The following SEPTIN8 variants were observed in gnomAD, a reference collection of about 807,000 sequenced individuals.
The protein encoded by SEPTIN8 is septin-8.
A neutral mutation model predicts 53.1 loss-of-function variants in SEPTIN8; 22 were observed. The observed-to-expected ratio is 0.41, with a 90% CI of 0.30 to 0.59. The LOEUF (loss-of-function observed/expected upper bound fraction) is 0.59. SEPTIN8 is among the 20% of genes least tolerant of loss of function. The pLI is 0.24. For synonymous variants in SEPTIN8, 228 were observed against 248.4 expected (o/e 0.92, Z 0.77); for missense variants, 536 against 638.7 (o/e 0.84, Z 1.73).
rs1014064452 is a variant in SEPTIN8, at chr5:132,758,298, G to A, written c.1286+2504C>T. On this transcript the variant is annotated intron_variant, in intron 9 of 9. Coordinates refer to ENST00000378719, the MANE Select transcript of SEPTIN8 (RefSeq NM_001098811.2). Reference sequence around the variant, plus strand: ...AGAGGATATTATTTGTCTTGACGCTGGTGCCAAAATAAATATTTAGAAGTG... The same window carrying A: ...AGAGGATATTATTTGTCTTGACGCTAGTGCCAAAATAAATATTTAGAAGTG... The A allele has an allele frequency of 1.0e-5, 14 of 1,349,166 alleles. No homozygotes were observed. The East Asian group carries it at 1.3e-4, about 13-fold the overall frequency. 83.6% of individuals were successfully genotyped at this position (1,349,166 alleles called of 1,614,324 possible).
At chr5:132,771,840 A>C (rs1418051808) in intron 1 of SEPTIN8, among the ~76,000 whole-genome samples, 1 of 131,750 alleles carries the variant, frequency 7.6e-6, no homozygotes, top group Admixed American at 8.2e-5. Context: ...CTCTAAGCCC[A>C]GGTCAGAGGT....
Position 132,762,623 on chromosome 5 carries a change from G to A in SEPTIN8, c.557C>T (p.Ala186Val). 6.2e-7 allele frequency: 1 copy of A among 1,614,232 alleles called. No individual in the cohort carries two copies. Among genetic ancestry groups the A allele is most frequent in the Non-Finnish European group, 8.5e-7 (1 of 1,180,048 alleles). Residue 186 changes from alanine to valine, a missense_variant, in exon 5 of 10, where the codon GCC (alanine) becomes GTC (valine). Physicochemically the swap from Ala to Val is moderately conservative, Grantham distance 64 (BLOSUM62 0). Transcript: ENST00000378719. The stretch of plus-strand genomic sequence containing the variant: ...GCTCTTGGAGATGGTGTCAGCCTTG[G>A]CGATGATGGGAATAATGTTCACCTG... ...DSKVNIIPII[A>V]KADTISKSEL...
intron 9 of SEPTIN8, 31 bp from the exon 10 acceptor site, chr5:132,752,212 G>A: frequency 6.4e-7 from 1 of 1,552,942 alleles, no homozygotes; most frequent in Non-Finnish European, 8.7e-7. Context: ...CATCAACTTT[G>A]CCCCAGACCA....
chr5:132,763,854 T>C lies in SEPTIN8; in HGVS notation c.386A>G (p.Glu129Gly), dbSNP rs1357415474. 5 of 1,602,764 alleles carry C rather than the reference T, an allele frequency of 3.1e-6. No homozygotes were observed. Among genetic ancestry groups the C allele is most frequent in the African/African-American group, 1.3e-5 (1 of 74,656 alleles). Residue 129 changes from glutamate (E) to glycine (G), a missense_variant, in exon 4 of 10, where the codon GAA becomes GGA. Physicochemically the swap from Glu to Gly is moderately conservative, Grantham distance 98 (BLOSUM62 -2). Coordinates refer to ENST00000378719, the MANE Select transcript of SEPTIN8 (RefSeq NM_001098811.2). ...PIVDYIDAQF[E>G]NYLQEELKIR... ...CTTCAGCTCCTCCTGCAGATAATTTTCAAACTGCGCATCGATGTAGTCAAC... is the reference window on the plus strand; with the variant it reads ...CTTCAGCTCCTCCTGCAGATAATTTCCAAACTGCGCATCGATGTAGTCAAC...
chr5:132,761,626 A>G lies in SEPTIN8; in HGVS notation c.794T>C (p.Val265Ala), dbSNP rs1302027965. ...GAAGTCGCAGTGATTCTCATTCTCCACTGAAAGCAGAGGGCCGGTGGGGTA... is the reference window on the plus strand; with the variant it reads ...GAAGTCGCAGTGATTCTCATTCTCCGCTGAAAGCAGAGGGCCGGTGGGGTA... ...ARQYPWGVVQ[V>A]ENENHCDFVK... Residue 265 changes from valine (V) to alanine (A), a missense_variant and splice_region_variant, in exon 7 of 10, where the codon GTG becomes GCG. Around this residue, in one of 3 missense-constraint regions of SEPTIN8, gnomAD observed 395 missense variants for 451.8 expected, o/e 0.87. Transcript: ENST00000378719. The surrounding 1 kb of genome is among the most constrained non-coding windows in gnomAD (Gnocchi z 5.8). 1.9e-6 allele frequency: 3 copies of G among 1,613,374 alleles called. No homozygotes were observed. Among genetic ancestry groups the G allele is most frequent in the East Asian group, 2.2e-5 (1 of 44,886 alleles).
At chr5:132,765,302 C>T in intron 2 of SEPTIN8, 107 bp downstream of exon 2, 1 of 1,380,790 alleles carries the variant, frequency 7.2e-7, no homozygotes, top group African/African-American at 1.5e-5. Flanking sequence ...CCCAAAGTTT[C>T]ACTCTGCCTG....
rs1165688401 is a variant in SEPTIN8 at position 132,760,444 on chromosome 5, T to G, written c.1286+358A>C. ...CACCACGCTGCAACAGGGCCACAGC[T>G]GCCAAGGGGGCTATGGGAGAGCGAA... On this transcript the variant is annotated intron_variant, in intron 9 of 9. Transcript: ENST00000378719. This position sits in a 1 kb window ranked among gnomAD's most constrained non-coding sequence, Gnocchi z 5.2. Among the ~76,000 whole-genome samples, 4 of 151,728 alleles carry G rather than the reference T, an allele frequency of 2.6e-5. No individual in the cohort carries two copies. The highest frequency in any genetic ancestry group is 9.7e-5 in the African/African-American group (4 of 41,260).
At position 132,764,311 on chromosome 5, in the gene SEPTIN8, G is replaced by A; in HGVS notation, c.260C>T (p.Thr87Ile). The A allele has an allele frequency of 6.2e-7, 1 of 1,614,194 alleles. No individual in the cohort carries two copies. The highest frequency in any genetic ancestry group is 8.5e-7 in the Non-Finnish European group (1 of 1,180,038). ...CACGTTGCTCTCCTGGAGGTCATAG[G>A]TCTGGGGCCGCAGGCGCACGCATGC... ...HEACVRLRPQTYDLQESNVQL... is the reference protein window; with the variant it reads ...HEACVRLRPQIYDLQESNVQL... The change falls in exon 3 of 10, where the codon ACC becomes ATC. Residue 87 changes from threonine (T) to isoleucine (I), a missense_variant. Thr to Ile is a moderately conservative substitution (Grantham distance 89). This residue lies in a region of SEPTIN8 where 395 missense variants were observed against 451.8 expected (regional missense o/e 0.87). Coordinates refer to ENST00000378719, the MANE Select transcript of SEPTIN8 (RefSeq NM_001098811.2).
At chr5:132,759,762 C>T (rs914114764) in intron 9 of SEPTIN8, among the ~76,000 whole-genome samples, 8 of 152,066 alleles carry the variant, frequency 5.3e-5, no homozygotes, top group African/African-American at 1.2e-4. Flanking sequence ...CAAGATAGGC[C>T]GGGGCAGGGA....
chr5:132,771,147 C>T (rs897789798), intron 1 of SEPTIN8, among the ~76,000 whole-genome samples: 2 of 152,226 alleles, frequency 1.3e-5, no homozygotes, highest in Non-Finnish European at 2.9e-5. Context: ...CAGCCCTCAT[C>T]ACCAGCCAAG....
Position 132,760,844 on chromosome 5 carries a change from G to A in SEPTIN8, c.1244C>T (p.Ala415Val). The A allele has an allele frequency of 6.2e-7, 1 of 1,613,898 alleles. No individual in the cohort carries two copies. The highest frequency in any genetic ancestry group is 1.3e-5 in the African/African-American group (1 of 75,060). The stretch of plus-strand genomic sequence containing the variant: ...CTTCCTCAGGGGCTGCTGCGAGGTG[G>A]CGTGCAAGGCCTGCGACTGCAGGGC... ...VEALQSQALH[A>V]TSQQPLRKDK... Residue 415 changes from alanine (A) to valine (V), a missense_variant, in exon 9 of 10, where the codon GCC becomes GTC. Coordinates refer to ENST00000378719, the MANE Select transcript of SEPTIN8 (RefSeq NM_001098811.2). The surrounding 1 kb of genome is among the most constrained non-coding windows in gnomAD (Gnocchi z 5.2).
chr5:132,768,550 G>T (rs1756865325), intron 1 of SEPTIN8, among the ~76,000 whole-genome samples: 1 of 152,200 alleles, frequency 6.6e-6, no homozygotes, highest in African/African-American at 2.4e-5. Flanking sequence ...AACCTAGGAG[G>T]AACCAGCAGC....
intron 1 of SEPTIN8, 125 bp from the exon 2 acceptor site, chr5:132,765,654 A>C: frequency 1.7e-6 from 2 of 1,185,360 alleles, no homozygotes; most frequent in Non-Finnish European, 1.2e-6. Context: ...TTCTCAACAA[A>C]TCTCAGACAC....
chr5:132,778,075 T>C, upstream of SEPTIN8: 7 of 985,462 alleles, frequency 7.1e-6, no homozygotes, highest in Non-Finnish European at 8.4e-6. Context: ...TTCAGAAAAT[T>C]AACACTTACG....
intron 1 of SEPTIN8, among the ~76,000 whole-genome samples, chr5:132,765,866 T>C (rs1756533950): frequency 6.6e-6 from 1 of 152,194 alleles, no homozygotes. Context: ...CCTGTTTTCC[T>C]ACTCAGGAGG....
At position 132,760,428 on chromosome 5, in the gene SEPTIN8, G is replaced by A. The variant is rs1755785136; in HGVS notation, c.1286+374C>T. Among the ~76,000 whole-genome samples the A allele has an allele frequency of 6.6e-6, 1 of 152,088 alleles. No homozygotes were observed. On this transcript the variant is annotated intron_variant, in intron 9 of 9. Coordinates refer to ENST00000378719, the MANE Select transcript of SEPTIN8 (RefSeq NM_001098811.2). The surrounding 1 kb of genome is among the most constrained non-coding windows in gnomAD (Gnocchi z 5.2). ...CGTGCAGCCCCACCTTCACCACGCT[G>A]CAACAGGGCCACAGCTGCCAAGGGG... is the stretch of plus-strand genomic sequence containing the variant.
At chr5:132,754,097 C>T (rs770595956) in intron 9 of SEPTIN8, 96 of 307,720 alleles carry the variant, frequency 3.1e-4, no homozygotes, top group Non-Finnish European at 5.1e-4. Context: ...TAGTATACAT[C>T]TGTATTTTTT....
chr5:132,757,370 C>T (rs1202339676), intron 9 of SEPTIN8: 2 of 985,354 alleles, frequency 2.0e-6, no homozygotes, highest in East Asian at 1.1e-4. Flanking sequence ...CTCACCCCTC[C>T]ACTTCTCCCT....
chr5:132,752,506 A>G (rs1754935215), intron 9 of SEPTIN8, among the ~76,000 whole-genome samples: 2 of 152,130 alleles, frequency 1.3e-5, no homozygotes, highest in African/African-American at 4.8e-5. Flanking sequence ...CTTAGGAGGA[A>G]GCAACCCTGA....
Sources: gnomAD v4.1 joint callset for allele counts (sites outside exome capture counted in the v4.1 genomes callset) on GRCh38, gnomAD v4.1.1 for gene constraint, gnomAD v4.1.1 regional missense constraint, Gnocchi (gnomAD v3.1) non-coding constraint, MANE v1.5 for transcripts, NCBI Gene and HGNC (gene_info 2026-07-23, HGNC 2026-07-21) for gene names.